The following CNKSR1 variants were observed in gnomAD, a reference collection of about 807,000 sequenced individuals.
CNKSR1 encodes the protein CNK homolog protein 1.
CNKSR1 carries 88 observed loss-of-function variants against 95.6 expected under a neutral mutation model. The ratio of observed to expected loss-of-function variants is 0.92; its 90% CI spans 0.78 to 1.10. The LOEUF (loss-of-function observed/expected upper bound fraction) is 1.10, where lower values mean the gene tolerates loss of function less well. Among genes scored for constraint, CNKSR1 ranks in the 50% least tolerant of loss-of-function variants. The pLI is 0.00. For missense variants in CNKSR1, 836 were observed against 912.0 expected (o/e 0.92, Z 1.07); for synonymous variants, 355 against 369.7 (o/e 0.96, Z 0.46).
rs751416551 is a variant in CNKSR1 at position 26,183,741 on chromosome 1, CG to C, written c.767del (p.Arg256LeufsTer5). The part of the protein sequence containing the change: ...INEQVVVGWP[R>X]KNMVRELLRE... ...TTCTGTCCCCCAGGTGGGATGGCCC[CG>C]TAAGAACATGGTGAGGGAACTGCTG... On this transcript the variant is annotated frameshift_variant, in exon 9 of 21. Coordinates refer to ENST00000361530, the MANE Select transcript of CNKSR1 (RefSeq NM_006314.3). LOFTEE classifies it high-confidence loss of function. 1.2e-6 allele frequency: 2 copies of C among 1,612,684 alleles called. No individual in the cohort carries two copies. Among genetic ancestry groups the C allele is most frequent in the Admixed American group, 3.3e-5 (2 of 59,978 alleles).
At chr1:26,182,423 G>C (rs1346535739) in intron 5 of CNKSR1, 21 bp downstream of exon 5, 2 of 1,614,010 alleles carry the variant, frequency 1.2e-6, no homozygotes, top group Admixed American at 3.3e-5. Flanking sequence ...GGGGTGGGAA[G>C]AGAGTGGGGG....
intron 8 of CNKSR1, 61 bp downstream of exon 8, chr1:26,183,475 G>C (rs749450617): frequency 1.5e-5 from 24 of 1,567,276 alleles, no homozygotes; most frequent in Admixed American, 8.6e-5. Flanking sequence ...CCCAAGTCTG[G>C]TGGGTGGGGA....
intron 7 of CNKSR1, 40 bp downstream of exon 7, chr1:26,183,296 G>C: frequency 6.2e-7 from 1 of 1,614,098 alleles, no homozygotes; most frequent in Non-Finnish European, 8.5e-7. Flanking sequence ...CATCCCCGAG[G>C]CCTCTCACCT....
chr1:26,187,507 T>C (rs1238471525), intron 16 of CNKSR1, 25 bp downstream of exon 16: 3 of 1,610,864 alleles, frequency 1.9e-6, no homozygotes, highest in Middle Eastern at 1.7e-4. Context: ...CCTTAGCCCC[T>C]ACTCTCATAT....
At chr1:26,185,257 A>G (rs1471824363) in intron 14 of CNKSR1, 71 bp downstream of exon 14, 3 of 1,451,626 alleles carry the variant, frequency 2.1e-6, no homozygotes, top group Non-Finnish European at 1.9e-6. Flanking sequence ...TCTCTATTCT[A>G]TCATCCACTC....
intron 14 of CNKSR1, 54 bp from the exon 15 acceptor site, chr1:26,187,114 G>A: frequency 1.4e-6 from 2 of 1,399,218 alleles, no homozygotes; most frequent in Non-Finnish European, 2.0e-6. Context: ...GGAGCTGACT[G>A]GGCCTTGAGG....
At chr1:26,180,364 G>C in intron 1 of CNKSR1, 89 bp from the exon 2 acceptor site, 1 of 1,511,394 alleles carries the variant, frequency 6.6e-7, no homozygotes, top group Admixed American at 1.7e-5. Flanking sequence ...GGTTAGACTA[G>C]AGGGAAAAGA....
At position 26,182,238 on chromosome 1, in the gene CNKSR1, CA is replaced by C; in HGVS notation, c.478-122del. The C allele has an allele frequency of 4.0e-6, 4 of 1,010,004 alleles. No homozygotes were observed. In the South Asian group the frequency reaches 5.7e-5, roughly 14 times the overall value. 62.6% of individuals were successfully genotyped at this position (1,010,004 alleles called of 1,614,324 possible). ...AACGCTGAGGCCCTGTGGTTCTGGG[CA>C]GGGGGCCAGTGTAGGGAAGGCAGGG... On this transcript the variant is annotated intron_variant, in intron 4 of 20. Transcript: ENST00000361530.
In CNKSR1 at chr1:26,184,426, C is replaced by T; in HGVS notation, c.1026C>T (p.Pro342=). The stretch of plus-strand genomic sequence containing the variant: ...ACTCTGCCTCCCTTGGCCCTGAGCC[C>T]CTGCCCATCCCCCCGGAACCCCCAG... ...WTDSASLGPE[P]LPIPPEPPAI... Residue 342 remains proline (P), a synonymous_variant, in exon 12 of 21, where the codon CCC becomes CCT. Transcript: ENST00000361530. The T allele has an allele frequency of 6.2e-7, 1 of 1,613,498 alleles. No homozygotes were observed. The highest frequency in any genetic ancestry group is 8.5e-7 in the Non-Finnish European group (1 of 1,179,792).
Position 26,189,702 on chromosome 1 carries a change from G to C in CNKSR1, c.*154G>C. 1 of 745,232 alleles carries C rather than the reference G, an allele frequency of 1.3e-6. No individual in the cohort carries two copies. Among genetic ancestry groups the C allele is most frequent in the East Asian group, 2.5e-5 (1 of 40,054 alleles). The allele number at this position is 745,232 out of a possible 1,614,324, so 46.2% of individuals were successfully genotyped here. Reference sequence around the variant, plus strand: ...CACCCCGAGCTGACCCCTCTGCCTGGGCTTTGTGCCACCCTCTCCCTTGCC... The same window carrying C: ...CACCCCGAGCTGACCCCTCTGCCTGCGCTTTGTGCCACCCTCTCCCTTGCC... On this transcript the variant is annotated 3_prime_UTR_variant, in exon 21 of 21. Coordinates refer to ENST00000361530, the MANE Select transcript of CNKSR1 (RefSeq NM_006314.3).
chr1:26,181,974 C>G, intron 4 of CNKSR1, 33 bp downstream of exon 4: 1 of 1,579,806 alleles, frequency 6.3e-7, no homozygotes, highest in Non-Finnish European at 8.7e-7. Context: ...TTGGCCCATG[C>G]CCTAGAGACC....
intron 3 of CNKSR1, chr1:26,181,153 C>T (rs1215081324): frequency 2.5e-5 from 11 of 435,398 alleles, no homozygotes; most frequent in Admixed American, 3.2e-5. Flanking sequence ...TGGTGGTGCG[C>T]ACCTGTAATC....
intron 6 of CNKSR1, 98 bp from the exon 7 acceptor site, chr1:26,183,099 A>T: frequency 8.1e-7 from 1 of 1,236,912 alleles, no homozygotes; most frequent in South Asian, 1.2e-5. Context: ...CTCTTGCCAC[A>T]GTTCCACCCA....
intron 20 of CNKSR1, 55 bp downstream of exon 20, chr1:26,189,008 T>C (rs1569892524): frequency 6.3e-7 from 1 of 1,594,390 alleles, no homozygotes; most frequent in South Asian, 1.1e-5. Context: ...CTTCAGGCTT[T>C]GGTTTGCGGC....
Position 26,185,036 on chromosome 1 carries a change from C to T in CNKSR1, c.1158C>T (p.Arg386=). 1 of 1,601,114 alleles carries T rather than the reference C, an allele frequency of 6.2e-7. No individual in the cohort carries two copies. The highest frequency in any genetic ancestry group is 8.5e-7 in the Non-Finnish European group (1 of 1,178,214). The part of the protein sequence containing the change: ...KSKGLATRLS[R]RRVSCRELGR... ...CAGGCCTGGCGACCCGGCTGAGCCG[C>T]CGGCGGGTGTCATGCCGTGAGCTGG... The change falls in exon 14 of 21, where the codon CGC becomes CGT. Residue 386 remains arginine (R), a synonymous_variant. Transcript: ENST00000361530.
intron 20 of CNKSR1, 99 bp from the exon 21 acceptor site, chr1:26,189,180 C>G: frequency 6.7e-7 from 1 of 1,483,864 alleles, no homozygotes; most frequent in Non-Finnish European, 9.4e-7. Flanking sequence ...TGGCCAGGTG[C>G]TGGCTTCCAG....
intron 5 of CNKSR1, 36 bp from the exon 6 acceptor site, chr1:26,182,444 C>A (rs564134554): frequency 6.2e-7 from 1 of 1,613,344 alleles, no homozygotes; most frequent in Non-Finnish European, 8.5e-7. Flanking sequence ...TAGGGGCGAT[C>A]GGGCTCAGGC....
In CNKSR1 at chr1:26,181,872, C is replaced by T. The variant is rs764715738; in HGVS notation, c.408C>T (p.His136=). The T allele has an allele frequency of 4.3e-6, 7 of 1,614,122 alleles. No homozygotes were observed. The South Asian group carries it at 7.7e-5, about 18-fold the overall frequency. The change falls in exon 4 of 21, where the codon CAC becomes CAT. Residue 136 remains histidine, a synonymous_variant. Coordinates refer to ENST00000361530, the MANE Select transcript of CNKSR1 (RefSeq NM_006314.3). ...CCCCTGCCAGGTACCTCTTCTCCCA[C>T]TTAAATGATTTCTCAGCATGCCAGG... ...LFWLSRYLFS[H]LNDFSACQEI...
intron 16 of CNKSR1, 37 bp downstream of exon 16, chr1:26,187,519 A>C: frequency 1.2e-6 from 2 of 1,602,364 alleles, no homozygotes; most frequent in South Asian, 2.2e-5. Context: ...CTCTCATATG[A>C]TTCCCAAACT....
Sources: gnomAD v4.1 joint callset for allele counts on GRCh38, gnomAD v4.1.1 for gene constraint, MANE v1.5 for transcripts, NCBI Gene and HGNC (gene_info 2026-07-23, HGNC 2026-07-21) for gene names.